CST7: variants seen among roughly 807,000 people sequenced by gnomAD.
The protein encoded by CST7 is cystatin F, also known as cystatin-F.
A neutral mutation model predicts 13.1 loss-of-function variants in CST7; 15 were observed. The observed-to-expected ratio is 1.14, with a 90% CI of 0.77 to 1.76. The LOEUF is 1.76. Ranked by LOEUF, CST7 falls within the 40% of genes most tolerant of loss-of-function variation. CST7 has a pLI of 0.00. For missense variants in CST7, 193 were observed against 178.8 expected (o/e 1.08, Z -0.45); for synonymous variants, 75 against 66.9 (o/e 1.12, Z -0.59).
intron 1 of CST7, among the ~76,000 whole-genome samples, chr20:24,956,491 G>A (rs548447632): frequency 1.3e-5 from 2 of 152,176 alleles, no homozygotes; most frequent in African/African-American, 2.4e-5. Flanking sequence ...GGAGGCCCCC[G>A]ATGCTGCTTC....
At chr20:24,951,542 G>C (rs1251974425) in intron 1 of CST7, among the ~76,000 whole-genome samples, 1 of 152,208 alleles carries the variant, frequency 6.6e-6, no homozygotes, top group Non-Finnish European at 1.5e-5. Context: ...CTGGGCCCCA[G>C]ACACAAGCAT....
At chr20:24,958,309 G>A (rs571489351) in intron 2 of CST7, among the ~76,000 whole-genome samples, 36 of 152,178 alleles carry the variant, frequency 2.4e-4, no homozygotes, top group Admixed American at 4.6e-4. Context: ...CTCCTTCTCC[G>A]GGTAGGCCAG....
chr20:24,956,556 G>A (rs999794533), intron 1 of CST7, among the ~76,000 whole-genome samples: 9 of 152,108 alleles, frequency 5.9e-5, no homozygotes, highest in Non-Finnish European at 1.2e-4. Flanking sequence ...AGGCCTCCCC[G>A]ACCCCAACGA....
rs6106979 is a variant in CST7 at position 24,959,831 on chromosome 20, C to G, written c.*119C>G. ...CCCTCTCAGGCCTCTGACGAGTGAG[C>G]GGGTGAAGTGCCACTGGGTCACCGC... On this transcript the variant is annotated 3_prime_UTR_variant, in exon 4 of 4. Coordinates refer to ENST00000480798, the MANE Select transcript of CST7 (RefSeq NM_003650.4). 87,755 of 995,476 alleles carry G rather than the reference C, an allele frequency of 0.088. 4,469 individuals are homozygous for G. The highest frequency in any genetic ancestry group is 0.1 in the Non-Finnish European group (63,710 of 633,474). The allele number at this position is 995,476 out of a possible 1,614,324, so 61.7% of individuals were successfully genotyped here.
At chr20:24,958,761 G>A (rs2087875107) in intron 2 of CST7, among the ~76,000 whole-genome samples, 167 bp from the exon 3 acceptor site, 1 of 152,132 alleles carries the variant, frequency 6.6e-6, no homozygotes, top group African/African-American at 2.4e-5. Context: ...GGAGTGGGAG[G>A]GGTCTGCAGG....
intron 1 of CST7, among the ~76,000 whole-genome samples, chr20:24,954,356 G>A (rs1274773991): frequency 1.3e-5 from 2 of 152,190 alleles, no homozygotes; most frequent in Admixed American, 6.5e-5. Flanking sequence ...TCAGTTGCAC[G>A]GAGCAAACCC....
At chr20:24,953,597 C>T (rs2087833917) in intron 1 of CST7, among the ~76,000 whole-genome samples, 1 of 152,106 alleles carries the variant, frequency 6.6e-6, no homozygotes. Context: ...CACCTGGTAT[C>T]ATCAGGCCCT....
At chr20:24,959,557 T>C in intron 3 of CST7, 78 bp from the exon 4 acceptor site, 1 of 1,359,272 alleles carries the variant, frequency 7.4e-7, no homozygotes, top group Non-Finnish European at 1.1e-6. Context: ...AGCTCCTCCA[T>C]GAGGACCACC....
chr20:24,954,040 A>G (rs1234385613), intron 1 of CST7, among the ~76,000 whole-genome samples: 2 of 147,900 alleles, frequency 1.4e-5, no homozygotes, highest in Non-Finnish European at 3.0e-5. Context: ...CACCCATTTT[A>G]CCCTCAGGTT....
At chr20:24,956,483 AG>A (rs1307751936) in intron 1 of CST7, among the ~76,000 whole-genome samples, 2 of 152,128 alleles carry the variant, frequency 1.3e-5, no homozygotes, top group Admixed American at 6.5e-5. Context: ...ACTGTGGGGG[AG>A]GCCCCCGATG....
At position 24,949,359 on chromosome 20, in the gene CST7, C is replaced by T; in HGVS notation, c.-147C>T. The T allele has an allele frequency of 3.2e-6, 5 of 1,561,706 alleles. No individual in the cohort carries two copies. Among genetic ancestry groups the T allele is most frequent in the Non-Finnish European group, 4.3e-6 (5 of 1,152,394 alleles). On this transcript the variant is annotated 5_prime_UTR_variant, in exon 1 of 4. Coordinates refer to ENST00000480798, the MANE Select transcript of CST7 (RefSeq NM_003650.4). ...TGCCTGAGAAGGATTGGCACGGGCA[C>T]AGACCACTGCCCCCACCTGCCCTGC...
chr20:24,951,805 C>T (rs227659), intron 1 of CST7, among the ~76,000 whole-genome samples: 16,231 of 152,266 alleles, frequency 0.11, 891 homozygotes, highest in Middle Eastern at 0.2. Context: ...CACTGGCTTC[C>T]GCCACCCTTT....
At chr20:24,959,099 T>A (rs2087878542) in intron 3 of CST7, 55 bp downstream of exon 3, 1 of 1,367,404 alleles carries the variant, frequency 7.3e-7, no homozygotes, top group Admixed American at 1.7e-5. Context: ...GCCCACTCCC[T>A]CCCAGGACTG....
intron 1 of CST7, among the ~76,000 whole-genome samples, chr20:24,953,819 G>A (rs2070609938): frequency 6.6e-6 from 1 of 152,260 alleles, no homozygotes; most frequent in Middle Eastern, 3.4e-3. Context: ...CTATACAGAC[G>A]GATTTTATGT....
intron 1 of CST7, 98 bp downstream of exon 1, chr20:24,949,673 G>T (rs2122438761): frequency 2.0e-6 from 3 of 1,485,674 alleles, no homozygotes; most frequent in East Asian, 2.4e-5. Context: ...CTAGCTTGGA[G>T]CCCCCACAGG....
chr20:24,959,177 C>A, intron 3 of CST7, 133 bp downstream of exon 3: 1 of 717,890 alleles, frequency 1.4e-6, no homozygotes, highest in Non-Finnish European at 2.4e-6. Flanking sequence ...GCCAGGCCTC[C>A]CAGACTCCCG....
At chr20:24,951,736 C>T (rs1429391114) in intron 1 of CST7, among the ~76,000 whole-genome samples, 1 of 152,208 alleles carries the variant, frequency 6.6e-6, no homozygotes, top group Non-Finnish European at 1.5e-5. Context: ...CAGACCATAG[C>T]GCTGAGCCCC....
At position 24,949,363 on chromosome 20, in the gene CST7, C is replaced by G. The variant is rs184908378; in HGVS notation, c.-143C>G. 25 of 1,567,054 alleles carry G rather than the reference C, an allele frequency of 1.6e-5. No individual in the cohort carries two copies. The highest frequency in any genetic ancestry group is 2.1e-5 in the Non-Finnish European group (24 of 1,155,084). ...TGAGAAGGATTGGCACGGGCACAGACCACTGCCCCCACCTGCCCTGCGCCA... is the reference window on the plus strand; with the variant it reads ...TGAGAAGGATTGGCACGGGCACAGAGCACTGCCCCCACCTGCCCTGCGCCA... On this transcript the variant is annotated 5_prime_UTR_variant, in exon 1 of 4. Transcript: ENST00000480798.
chr20:24,949,401 G>T lies in CST7; in HGVS notation c.-105G>T. 1 of 1,603,014 alleles carries T rather than the reference G, an allele frequency of 6.2e-7. No individual in the cohort carries two copies. The highest frequency in any genetic ancestry group is 8.5e-7 in the Non-Finnish European group (1 of 1,173,742). On this transcript the variant is annotated 5_prime_UTR_variant, in exon 1 of 4. It adds an upstream start codon to the 5' untranslated region. Transcript: ENST00000480798. ...CTGCCCTGCGCCATCTACCCAAGAAGGCTCGGCACGGGCACCAACCACTGC... is the reference window on the plus strand; with the variant it reads ...CTGCCCTGCGCCATCTACCCAAGAATGCTCGGCACGGGCACCAACCACTGC...
Sources: gnomAD v4.1 joint callset for allele counts (sites outside exome capture counted in the v4.1 genomes callset) on GRCh38, gnomAD v4.1.1 for gene constraint, MANE v1.5 for transcripts, NCBI Gene and HGNC (gene_info 2026-07-23, HGNC 2026-07-21) for gene names.